The following PTPN2 variants were observed in gnomAD, a reference collection of about 807,000 sequenced individuals.
PTPN2 encodes the protein protein tyrosine phosphatase non-receptor type 2.
Under a neutral mutation model 57.3 loss-of-function variants are expected in PTPN2, and 19 were observed. The observed-to-expected ratio is 0.33, with a 90% CI of 0.23 to 0.49. PTPN2 has a LOEUF of 0.49. Ranked by LOEUF, PTPN2 falls within the 20% of genes least tolerant of loss-of-function variation. PTPN2 has a pLI of 0.99. For synonymous variants in PTPN2, 153 were observed against 164.9 expected, an observed-to-expected ratio of 0.93 and a Z score of 0.55; for missense variants, 358 against 501.1, an observed-to-expected ratio of 0.71 and a Z score of 2.73.
intron 3 of PTPN2, among the ~76,000 whole-genome samples, chr18:12,835,667 C>T (rs1001314668): frequency 1.2e-4 from 19 of 152,056 alleles, no homozygotes; most frequent in South Asian, 2.1e-4. Context: ...TGAGCCTCCG[C>T]GCCTGGCCGA....
intron 3 of PTPN2, 30 bp downstream of exon 3, chr18:12,836,761 C>T (rs373406865): frequency 2.3e-4 from 315 of 1,352,350 alleles, no homozygotes; most frequent in Non-Finnish European, 5.6e-5. Flanking sequence ...ACATCATTTT[C>T]AGACATTTGC....
At chr18:12,786,865 G>C (rs754651360) in intron 9 of PTPN2, 6 of 152,156 alleles carry the variant, frequency 3.9e-5, no homozygotes, top group Non-Finnish European at 4.4e-5. Flanking sequence ...ACGGAGAAAT[G>C]TCAAGTCATC....
chr18:12,832,251 G>T (rs1314379276), intron 3 of PTPN2, among the ~76,000 whole-genome samples: 1 of 152,138 alleles, frequency 6.6e-6, no homozygotes, highest in African/African-American at 2.4e-5. Flanking sequence ...CACGGAGCTG[G>T]AATTATAGGC....
At chr18:12,877,319 T>C (rs1279009512) in intron 1 of PTPN2, among the ~76,000 whole-genome samples, 5 of 152,108 alleles carry the variant, frequency 3.3e-5, no homozygotes, top group Admixed American at 6.6e-5. Context: ...TAAAAGAATA[T>C]AGAGAACTAA....
intron 7 of PTPN2, among the ~76,000 whole-genome samples, chr18:12,812,905 C>A (rs1408573203): frequency 6.6e-6 from 1 of 151,874 alleles, no homozygotes. Context: ...TTCCTAGCCA[C>A]AAACTGCACT....
intron 7 of PTPN2, among the ~76,000 whole-genome samples, chr18:12,804,471 AT>A (rs1370341660): frequency 6.6e-6 from 1 of 151,682 alleles, no homozygotes; most frequent in Admixed American, 6.6e-5. Flanking sequence ...ACCAAGGATC[AT>A]TTTTTTGAAA....
chr18:12,864,252 C>T (rs2043918197), intron 1 of PTPN2: 1 of 151,242 alleles, frequency 6.6e-6, no homozygotes, highest in South Asian at 2.1e-4. Context: ...AACTTAAACA[C>T]ACATGTGCAT....
At chr18:12,798,906 C>G (rs1218433262) in intron 8 of PTPN2, among the ~76,000 whole-genome samples, 1 of 152,190 alleles carries the variant, frequency 6.6e-6, no homozygotes, top group Non-Finnish European at 1.5e-5. Context: ...TCTCCACAAC[C>G]TCGCCAGCAT....
intron 2 of PTPN2, among the ~76,000 whole-genome samples, chr18:12,852,807 T>C (rs1297030698): frequency 6.6e-6 from 1 of 152,258 alleles, no homozygotes; most frequent in African/African-American, 2.4e-5. Flanking sequence ...CATGTTAAGA[T>C]TGTTTAAAAA....
intron 1 of PTPN2, among the ~76,000 whole-genome samples, chr18:12,872,455 C>G (rs2044300776): frequency 6.6e-6 from 1 of 152,196 alleles, no homozygotes; most frequent in Non-Finnish European, 1.5e-5. Context: ...ATCAGACATA[C>G]TGGATTTGAA....
chr18:12,807,978 G>A (rs1213428357), intron 7 of PTPN2, among the ~76,000 whole-genome samples: 1 of 152,054 alleles, frequency 6.6e-6, no homozygotes, highest in Non-Finnish European at 1.5e-5. Context: ...GAGCCCAGGA[G>A]TTTGAGATCA....
chr18:12,874,398 G>A (rs1160626364), intron 1 of PTPN2, among the ~76,000 whole-genome samples: 1 of 148,970 alleles, frequency 6.7e-6, no homozygotes, highest in Admixed American at 6.6e-5. Flanking sequence ...GCCCCTTCCG[G>A]GAGGGAGGTG....
intron 8 of PTPN2, among the ~76,000 whole-genome samples, chr18:12,801,248 C>A (rs2041410222): frequency 6.6e-6 from 1 of 152,192 alleles, no homozygotes; most frequent in Non-Finnish European, 1.5e-5. Flanking sequence ...CACGGTGGCT[C>A]ACGCCTGTAA....
intron 2 of PTPN2, among the ~76,000 whole-genome samples, chr18:12,847,692 G>A (rs1370228583): frequency 1.4e-5 from 2 of 146,810 alleles, no homozygotes; most frequent in Non-Finnish European, 3.0e-5. Flanking sequence ...GCGCAATCTC[G>A]GCTCACTGTC....
rs1026908015 is a variant in PTPN2, at chr18:12,794,018, T to A, written c.*260A>T. 1 of 1,356,410 alleles carries A rather than the reference T, an allele frequency of 7.4e-7. No individual in the cohort carries two copies. The highest frequency in any genetic ancestry group is 9.5e-7 in the Non-Finnish European group (1 of 1,055,408). 84.0% of individuals were successfully genotyped at this position (1,356,410 alleles called of 1,614,324 possible). ...AAATACTGTGTTTGACATGTATGAA[T>A]ACAGTTGCAAAATTTACCAGTTTTT... On this transcript the variant is annotated 3_prime_UTR_variant, in exon 9 of 9. Transcript: ENST00000309660.
chr18:12,796,935 T>C (rs2041211994), intron 8 of PTPN2, among the ~76,000 whole-genome samples: 1 of 152,210 alleles, frequency 6.6e-6, no homozygotes, highest in Admixed American at 6.5e-5. Context: ...GAGGACAGAC[T>C]GGGTTTTGCT....
At chr18:12,855,435 G>A (rs1452522818) in intron 2 of PTPN2, among the ~76,000 whole-genome samples, 1 of 152,110 alleles carries the variant, frequency 6.6e-6, no homozygotes, top group African/African-American at 2.4e-5. Context: ...TGGGGACGAA[G>A]GATTCGGCTA....
At chr18:12,833,912 G>A (rs2042757691) in intron 3 of PTPN2, among the ~76,000 whole-genome samples, 1 of 152,150 alleles carries the variant, frequency 6.6e-6, no homozygotes, top group South Asian at 2.1e-4. Flanking sequence ...ATCCAATAGA[G>A]ACCTGAAAAA....
intron 2 of PTPN2, among the ~76,000 whole-genome samples, chr18:12,851,148 T>C (rs1175561509): frequency 6.6e-6 from 1 of 152,174 alleles, no homozygotes; most frequent in Non-Finnish European, 1.5e-5. Flanking sequence ...TTGCTGGATA[T>C]AGGGTTCTAT....
Sources: gnomAD v4.1 joint callset for allele counts (sites outside exome capture counted in the v4.1 genomes callset) on GRCh38, gnomAD v4.1.1 for gene constraint, MANE v1.5 for transcripts, NCBI Gene and HGNC (gene_info 2026-07-23, HGNC 2026-07-21) for gene names.